KCND2: variants seen among roughly 807,000 people sequenced by gnomAD.
KCND2 encodes the protein potassium voltage-gated channel subfamily D member 2, also known as A-type voltage-gated potassium channel KCND2.
A neutral mutation model predicts 54.4 loss-of-function variants in KCND2; 16 were observed. The observed-to-expected ratio is 0.29, with a 90% CI of 0.20 to 0.45. KCND2 has a LOEUF of 0.45. KCND2 is among the 20% of genes least tolerant of loss of function. The pLI, the probability that KCND2 is intolerant of heterozygous loss-of-function variation, is 1.00. For synonymous variants in KCND2, 317 were observed against 310.7 expected, an observed-to-expected ratio of 1.02 and a Z score of -0.21; for missense variants, 486 against 824.2, an observed-to-expected ratio of 0.59 and a Z score of 5.02.
intron 1 of KCND2, among the ~76,000 whole-genome samples, chr7:120,301,368 C>G (rs983296224): frequency 6.6e-6 from 1 of 152,094 alleles, no homozygotes; most frequent in African/African-American, 2.4e-5. Context: ...TGGCATTTTC[C>G]CCTCAGTAAA....
intron 1 of KCND2, among the ~76,000 whole-genome samples, chr7:120,723,270 T>C (rs1792691391): frequency 6.6e-6 from 1 of 152,184 alleles, no homozygotes; most frequent in Non-Finnish European, 1.5e-5. Context: ...GATGGACTAA[T>C]TTTTCTTTTT....
chr7:120,502,032 T>A (rs1802943724), intron 1 of KCND2, among the ~76,000 whole-genome samples: 1 of 152,076 alleles, frequency 6.6e-6, no homozygotes. Context: ...CAATGAGATG[T>A]AATCAGAAAA....
intron 1 of KCND2, among the ~76,000 whole-genome samples, chr7:120,295,126 G>A (rs1799489697): frequency 6.6e-6 from 1 of 151,814 alleles, no homozygotes; most frequent in Admixed American, 6.6e-5. Flanking sequence ...TCGTATTGAT[G>A]CCAGGGAAGC....
chr7:120,563,421 G>A (rs754380124), intron 1 of KCND2, among the ~76,000 whole-genome samples: 8 of 152,016 alleles, frequency 5.3e-5, no homozygotes, highest in Non-Finnish European at 8.8e-5. Flanking sequence ...AGTTCTACTT[G>A]TGTATACATG....
At chr7:120,567,914 C>T (rs1792317646) in intron 1 of KCND2, among the ~76,000 whole-genome samples, 4 of 152,062 alleles carry the variant, frequency 2.6e-5, no homozygotes. Context: ...TCATCTTTCT[C>T]TCTATTTAGA....
At chr7:120,361,389 C>G (rs912232635) in intron 1 of KCND2, among the ~76,000 whole-genome samples, 1 of 151,408 alleles carries the variant, frequency 6.6e-6, no homozygotes, top group Non-Finnish European at 1.5e-5. Context: ...CTCTCTCGCT[C>G]TCTCTCTCTC....
At chr7:120,627,472 A>G (rs1390468698) in intron 1 of KCND2, among the ~76,000 whole-genome samples, 1 of 152,152 alleles carries the variant, frequency 6.6e-6, no homozygotes, top group Non-Finnish European at 1.5e-5. Context: ...CAAAGTATTG[A>G]TTTATATCAA....
intron 1 of KCND2, among the ~76,000 whole-genome samples, chr7:120,629,457 T>G (rs9649424): frequency 0.64 from 97,058 of 151,576 alleles, 31,148 homozygotes; most frequent in Admixed American, 0.7. Context: ...CTGCACTCCA[T>G]CCTGGGCGAC....
At chr7:120,404,500 A>T (rs551664913) in intron 1 of KCND2, among the ~76,000 whole-genome samples, 24 of 152,298 alleles carry the variant, frequency 1.6e-4, no homozygotes, top group Admixed American at 1.4e-3. Context: ...AGCAAGGAAA[A>T]TGAGAAAAAT....
At chr7:120,376,350 A>C (rs1222279603) in intron 1 of KCND2, among the ~76,000 whole-genome samples, 1 of 151,630 alleles carries the variant, frequency 6.6e-6, no homozygotes, top group Admixed American at 6.6e-5. Flanking sequence ...CCAACTTTTA[A>C]AGAACTAATT....
chr7:120,455,761 C>T (rs1802190550), intron 1 of KCND2, among the ~76,000 whole-genome samples: 2 of 152,092 alleles, frequency 1.3e-5, no homozygotes, highest in African/African-American at 2.4e-5. Context: ...CATGTTCTCA[C>T]TTAATAGTAG....
At chr7:120,363,432 C>T (rs1163055468) in intron 1 of KCND2, among the ~76,000 whole-genome samples, 1 of 152,092 alleles carries the variant, frequency 6.6e-6, no homozygotes, top group African/African-American at 2.4e-5. Flanking sequence ...AAACCCTATC[C>T]TTCCAATTTC....
intron 1 of KCND2, among the ~76,000 whole-genome samples, chr7:120,541,990 A>G (rs1304008881): frequency 1.3e-5 from 2 of 152,160 alleles, no homozygotes; most frequent in East Asian, 3.8e-4. Context: ...ACAGTCATTT[A>G]TTGATTTAAT....
At chr7:120,574,437 T>C (rs1033560758) in intron 1 of KCND2, among the ~76,000 whole-genome samples, 6 of 152,214 alleles carry the variant, frequency 3.9e-5, no homozygotes, top group African/African-American at 1.4e-4. Flanking sequence ...TGTCCAATAA[T>C]GCCATTGGTT....
intron 1 of KCND2, among the ~76,000 whole-genome samples, chr7:120,392,569 T>C (rs1260729944): frequency 6.6e-6 from 1 of 151,962 alleles, no homozygotes; most frequent in African/African-American, 2.4e-5. Context: ...GATTTGTTAT[T>C]TGAATGTTAT....
At chr7:120,403,482 A>AT (rs528759246) in intron 1 of KCND2, among the ~76,000 whole-genome samples, 1,373 of 130,944 alleles carry the variant, frequency 0.01, 11 homozygotes, top group African/African-American at 0.016. Context: ...GGCCCGGCTA[A>AT]TTTTTTTTTT....
chr7:120,379,598 A>T (rs993310151), intron 1 of KCND2, among the ~76,000 whole-genome samples: 2 of 151,942 alleles, frequency 1.3e-5, no homozygotes, highest in Admixed American at 6.6e-5. Context: ...GTGGCCCATT[A>T]CTCTTTTTAA....
intron 1 of KCND2, among the ~76,000 whole-genome samples, chr7:120,470,727 A>T (rs1487674952): frequency 6.6e-6 from 1 of 152,094 alleles, no homozygotes; most frequent in African/African-American, 2.4e-5. Flanking sequence ...ATAGAACAGG[A>T]ATTATTGTAT....
chr7:120,548,393 A>T (rs1229731740), intron 1 of KCND2, among the ~76,000 whole-genome samples: 2 of 152,108 alleles, frequency 1.3e-5, no homozygotes, highest in Non-Finnish European at 2.9e-5. Context: ...GGAAGCAAGT[A>T]GAGTTCTTCT....
Sources: allele counts gnomAD v4.1 joint callset (sites outside exome capture counted in the v4.1 genomes callset), GRCh38; gene constraint gnomAD v4.1.1; transcripts MANE v1.5; gene names NCBI Gene and HGNC (gene_info 2026-07-23, HGNC 2026-07-21).